AZIN1: variants seen among roughly 807,000 people sequenced by gnomAD.
AZIN1 encodes ornithine decarboxylase antizyme inhibitor.
AZIN1 carries 12 observed loss-of-function variants against 47.4 expected under a neutral mutation model. The observed-to-expected ratio is 0.25, with a 90% CI of 0.16 to 0.41. The LOEUF (loss-of-function observed/expected upper bound fraction) is 0.41, where lower values mean the gene tolerates loss of function less well. Ranked by LOEUF, AZIN1 falls within the 10% of genes least tolerant of loss-of-function variation. AZIN1 has a pLI of 1.00. For synonymous variants in AZIN1, 155 were observed against 176.3 expected (o/e 0.88, Z 0.96); for missense variants, 410 against 532.4 (o/e 0.77, Z 2.26).
In AZIN1 at chr8:102,827,215, CCT is replaced by C. The variant is rs1400554554; in HGVS notation, c.*1350_*1351del. On this transcript the variant is annotated 3_prime_UTR_variant, in exon 12 of 12. Transcript: ENST00000337198. ...CAGAGTAAGTTAGGAAAAAATGACCCCTGTTGTTTATTACTATTGTGATTCTG... is the reference window on the plus strand; with the variant it reads ...CAGAGTAAGTTAGGAAAAAATGACCCGTTGTTTATTACTATTGTGATTCTG... 6.6e-6 allele frequency: 1 copy of C among 152,426 alleles called. No homozygotes were observed. Among genetic ancestry groups the C allele is most frequent in the Admixed American group, 6.6e-5 (1 of 15,262 alleles). 9.4% of individuals were successfully genotyped at this position (152,426 alleles called of 1,614,324 possible).
At chr8:102,859,908 G>A (rs1813524964) in intron 1 of AZIN1, among the ~76,000 whole-genome samples, 1 of 152,212 alleles carries the variant, frequency 6.6e-6, no homozygotes, top group Admixed American at 6.5e-5. Flanking sequence ...TACTGAGGAG[G>A]TTAAGGCAGG....
chr8:102,841,652 G>C (rs1434811243), intron 3 of AZIN1, among the ~76,000 whole-genome samples: 1 of 148,972 alleles, frequency 6.7e-6, no homozygotes, highest in Admixed American at 6.7e-5. Context: ...GAACACGTCT[G>C]CAGACTTAAG....
rs1458918910 is a variant in AZIN1, at chr8:102,834,751, A to T, written c.585-4T>A. ...GCAAGCACTCGAAACATGAAATCTG[A>T]AACACATAGAATACTAAATTTAAAG... On this transcript the variant is annotated splice_polypyrimidine_tract_variant and splice_region_variant and intron_variant, in intron 6 of 11. Transcript: ENST00000337198. The T allele has an allele frequency of 1.9e-6, 3 of 1,600,582 alleles. No homozygotes were observed. Among genetic ancestry groups the T allele is most frequent in the Non-Finnish European group, 2.6e-6 (3 of 1,169,370 alleles).
intron 2 of AZIN1, among the ~76,000 whole-genome samples, chr8:102,847,861 T>C (rs529402259): frequency 1.1e-4 from 16 of 152,254 alleles, no homozygotes; most frequent in Middle Eastern, 6.8e-3. Context: ...TCCCAAAGTG[T>C]TGCAATTACC....
rs1811488128 is a variant in AZIN1 at position 102,831,920 on chromosome 8, A to T, written c.904+1136T>A. Among the ~76,000 whole-genome samples the T allele has an allele frequency of 1.3e-5, 2 of 152,098 alleles. 1 individual carries two copies. The highest frequency in any genetic ancestry group is 4.1e-4 in the South Asian group (2 of 4,828). On this transcript the variant is annotated intron_variant, in intron 9 of 11. Coordinates refer to ENST00000337198, the MANE Select transcript of AZIN1 (RefSeq NM_148174.4). ...CAATGAGCCCTGATGGAGCCACTGT[A>T]CTCCAGCCTGGGCGACAAAACAACA... is the stretch of plus-strand genomic sequence containing the variant.
Position 102,827,459 on chromosome 8 carries a change from C to G in AZIN1, c.*1108G>C, listed in dbSNP as rs1214527816. 6.6e-6 allele frequency: 1 copy of G among 152,160 alleles called. No homozygotes were observed. The highest frequency in any genetic ancestry group is 1.5e-5 in the Non-Finnish European group (1 of 68,006). 9.4% of individuals were successfully genotyped at this position (152,160 alleles called of 1,614,324 possible). A position where few individuals can be genotyped will look rare whatever the true frequency, so the allele number is the denominator to read the frequency against. ...AATCCTAAATTTGAAATCACTGCAA[C>G]TGAAGATAATAAGTGTGCTTCACCC... On this transcript the variant is annotated 3_prime_UTR_variant, in exon 12 of 12. Coordinates refer to ENST00000337198, the MANE Select transcript of AZIN1 (RefSeq NM_148174.4).
intron 3 of AZIN1, among the ~76,000 whole-genome samples, chr8:102,841,936 C>A (rs1812220446): frequency 6.6e-6 from 1 of 151,548 alleles, no homozygotes; most frequent in Admixed American, 6.6e-5. Context: ...CACGGTGAAA[C>A]CCTGTCTCTA....
intron 2 of AZIN1, among the ~76,000 whole-genome samples, chr8:102,853,278 G>A (rs1813040618): frequency 6.6e-6 from 1 of 152,274 alleles, no homozygotes; most frequent in African/African-American, 2.4e-5. Context: ...GCCAAGGAAG[G>A]CGGATCATGG....
At chr8:102,829,688 A>G (rs1045635879) in intron 10 of AZIN1, 133 bp downstream of exon 10, 5 of 834,030 alleles carry the variant, frequency 6.0e-6, no homozygotes, top group African/African-American at 5.2e-5. Flanking sequence ...ACTCCACCAG[A>G]AGAACGCAAA....
intron 8 of AZIN1, among the ~76,000 whole-genome samples, chr8:102,833,774 T>A (rs1422033839): frequency 4.7e-5 from 5 of 105,372 alleles, no homozygotes; most frequent in Non-Finnish European, 1.0e-4. Flanking sequence ...TTTTTTTTTT[T>A]AAGTCCCAGC....
intron 3 of AZIN1, among the ~76,000 whole-genome samples, chr8:102,843,199 C>CT (rs1812330180): frequency 8.4e-6 from 1 of 118,716 alleles, no homozygotes. Flanking sequence ...GCGTGAGACT[C>CT]GTCTCCAAAA....
chr8:102,831,797 GA>G (rs1157664123), intron 9 of AZIN1, among the ~76,000 whole-genome samples: 13 of 151,868 alleles, frequency 8.6e-5, no homozygotes. Flanking sequence ...AATAAAAATA[GA>G]AAAAAACCTA....
intron 5 of AZIN1, among the ~76,000 whole-genome samples, chr8:102,836,968 A>G (rs138544859): frequency 0.012 from 1,855 of 152,060 alleles, 49 homozygotes; most frequent in African/African-American, 0.043. Context: ...GCAGTGGCGC[A>G]ATTTCAGCTC....
intron 6 of AZIN1, chr8:102,834,957 A>AATTAC: frequency 2.0e-6 from 1 of 501,846 alleles, no homozygotes. Context: ...ATAAAACTGT[A>AATTAC]ATTCTATAAA....
At chr8:102,855,740 G>T (rs1039937164) in intron 2 of AZIN1, 2 of 152,132 alleles carry the variant, frequency 1.3e-5, no homozygotes. Flanking sequence ...AAATAATATT[G>T]TTGATCTACA....
intron 2 of AZIN1, among the ~76,000 whole-genome samples, chr8:102,850,923 TAA>T (rs1417624947): frequency 6.6e-6 from 1 of 152,228 alleles, no homozygotes; most frequent in Non-Finnish European, 1.5e-5. Context: ...AGTGCCTGTG[TAA>T]AGACTGCCCA....
At chr8:102,848,328 A>T (rs1246247243) in intron 2 of AZIN1, among the ~76,000 whole-genome samples, 9 of 126,236 alleles carry the variant, frequency 7.1e-5, no homozygotes, top group African/African-American at 3.7e-4. Flanking sequence ...AAGGCCAAAA[A>T]AAAAAAAAAA....
At chr8:102,839,233 T>C in intron 4 of AZIN1, among the ~76,000 whole-genome samples, 1 of 152,152 alleles carries the variant, frequency 6.6e-6, no homozygotes, top group East Asian at 1.9e-4. Context: ...CCCAGGCTGA[T>C]CCTAAACTCC....
chr8:102,847,350 TA>T (rs34083752), intron 2 of AZIN1, among the ~76,000 whole-genome samples: 32,549 of 133,676 alleles, frequency 0.24, 4,349 homozygotes, highest in African/African-American at 0.39. Context: ...ACCCATCTCT[TA>T]AAAAAAAAAA....
Sources: allele counts gnomAD v4.1 joint callset (sites outside exome capture counted in the v4.1 genomes callset), GRCh38; gene constraint gnomAD v4.1.1; transcripts MANE v1.5; gene names NCBI Gene and HGNC (gene_info 2026-07-23, HGNC 2026-07-21).